Variants in RYR2 observed in about 807,000 individuals in gnomAD.
The protein encoded by RYR2 is cardiac muscle ryanodine receptor-calcium release channel.
In RYR2, 227 loss-of-function variants were observed where a neutral mutation model predicts 601.1. The ratio of observed to expected loss-of-function variants is 0.38; its 90% confidence interval spans 0.34 to 0.42. The LOEUF (loss-of-function observed/expected upper bound fraction) is 0.42, where lower values mean the gene tolerates loss of function less well. Ranked by LOEUF, RYR2 falls within the 10% of genes least tolerant of loss-of-function variation. The probability of loss-of-function intolerance (pLI) is 1.00; values close to 1 mark genes in which losing one functional copy is unlikely to be tolerated. For synonymous variants in RYR2, 2,223 were observed against 2,175.1 expected, an observed-to-expected ratio of 1.02 and a Z score of -0.61; for missense variants, 4,646 against 6,156.5, an observed-to-expected ratio of 0.75 and a Z score of 8.21.
At chr1:237,549,481 G>T (rs142485473) in intron 26 of RYR2, among the ~76,000 whole-genome samples, 4,484 of 152,096 alleles carry the variant, frequency 0.029, 143 homozygotes, top group African/African-American at 0.076. Context: ...GGCTGAGGTG[G>T]GAGGATCACT....
chr1:237,383,492 C>G (rs149467655), intron 8 of RYR2, among the ~76,000 whole-genome samples: 1 of 132,468 alleles, frequency 7.5e-6, no homozygotes, highest in African/African-American at 2.9e-5. Context: ...TACAGGGGCA[C>G]GATCTCGGCT....
intron 1 of RYR2, among the ~76,000 whole-genome samples, chr1:237,112,355 C>G (rs1357764309): frequency 1.3e-5 from 2 of 152,180 alleles, no homozygotes; most frequent in Non-Finnish European, 2.9e-5. Context: ...CTCAGGTGAT[C>G]CGCCCGCCTC....
At chr1:237,381,251 CAAAAAAAAAAAAA>C (rs60493059) in intron 8 of RYR2, among the ~76,000 whole-genome samples, 1 of 45,768 alleles carries the variant, frequency 2.2e-5, no homozygotes, top group Non-Finnish European at 5.3e-5. Flanking sequence ...GACTCCGTCT[CAAAAAAAAAAAAA>C]AAAAAAAAAA....
intron 64 of RYR2, 40 bp downstream of exon 64, chr1:237,699,065 A>T: frequency 1.1e-6 from 1 of 936,750 alleles, no homozygotes; most frequent in Non-Finnish European, 1.7e-6. Flanking sequence ...TTACTATAAT[A>T]ATGATACATG....
At position 237,126,767 on chromosome 1, in the gene RYR2, T is replaced by A. The variant is rs541451573; in HGVS notation, c.48+84198T>A. Among the ~76,000 whole-genome samples the A allele has an allele frequency of 1.6e-3, 241 of 151,916 alleles. 3 individuals carry two copies. Among genetic ancestry groups the A allele is most frequent in the African/African-American group, 5.5e-3 (229 of 41,482 alleles). The stretch of plus-strand genomic sequence containing the variant: ...ACTTATGGAAAGAATTTTTATTTTA[T>A]TTTTTTTATTTATTTATTTTTTTAA... On this transcript the variant is annotated intron_variant, in intron 1 of 104. Coordinates refer to ENST00000366574, the MANE Select transcript of RYR2 (RefSeq NM_001035.3).
At chr1:237,609,946 C>A (rs543113081) in intron 35 of RYR2, among the ~76,000 whole-genome samples, 5 of 151,434 alleles carry the variant, frequency 3.3e-5, no homozygotes, top group Admixed American at 6.6e-5. Flanking sequence ...TTTTTCCCCG[C>A]CTATTGTTAG....
intron 1 of RYR2, among the ~76,000 whole-genome samples, chr1:237,089,635 G>T (rs550148588): frequency 1.3e-5 from 2 of 152,292 alleles, no homozygotes; most frequent in East Asian, 1.9e-4. Context: ...CAATAGAATT[G>T]TATGTTATCT....
At chr1:237,222,558 T>A (rs1206662924) in intron 1 of RYR2, among the ~76,000 whole-genome samples, 1 of 152,186 alleles carries the variant, frequency 6.6e-6, no homozygotes, top group East Asian at 1.9e-4. Flanking sequence ...TTATTAGTGT[T>A]GCTAACCCCT....
intron 2 of RYR2, among the ~76,000 whole-genome samples, chr1:237,305,346 A>C (rs1463385421): frequency 6.6e-6 from 1 of 152,202 alleles, no homozygotes; most frequent in African/African-American, 2.4e-5. Flanking sequence ...TCAAAAATAT[A>C]ATATTGCATC....
At chr1:237,400,853 C>T (rs565747509) in intron 10 of RYR2, among the ~76,000 whole-genome samples, 1 of 152,250 alleles carries the variant, frequency 6.6e-6, no homozygotes, top group African/African-American at 2.4e-5. Context: ...GCAGCCTCTT[C>T]TCTCTAGGCA....
At chr1:237,666,421 TG>T in intron 56 of RYR2, 90 bp from the exon 57 acceptor site, 1 of 1,105,732 alleles carries the variant, frequency 9.0e-7, no homozygotes, top group South Asian at 1.5e-5. Context: ...ACACTATGTT[TG>T]GAAATTTGTG....
At chr1:237,319,469 A>G (rs1338582404) in intron 2 of RYR2, among the ~76,000 whole-genome samples, 1 of 151,546 alleles carries the variant, frequency 6.6e-6, no homozygotes, top group Non-Finnish European at 1.5e-5. Context: ...GGGTTTTTTT[A>G]TTTTTTCTTT....
At chr1:237,710,301 G>A (rs973667960) in intron 70 of RYR2, among the ~76,000 whole-genome samples, 1 of 152,062 alleles carries the variant, frequency 6.6e-6, no homozygotes, top group African/African-American at 2.4e-5. Flanking sequence ...CTGTAAATGA[G>A]AGACAAAGAA....
intron 1 of RYR2, among the ~76,000 whole-genome samples, chr1:237,105,834 C>CAAA (rs34759459): frequency 2.2e-4 from 19 of 87,020 alleles, no homozygotes; most frequent in African/African-American, 6.9e-4. Context: ...GACTCTGTCT[C>CAAA]AAAAAAAAAA....
chr1:237,773,686 ACTCC>A, intron 87 of RYR2, 38 bp downstream of exon 87: 1 of 1,577,292 alleles, frequency 6.3e-7, no homozygotes, highest in African/African-American at 1.3e-5. Flanking sequence ...GTAGCACTGA[ACTCC>A]ATAGAAAAAT....
intron 38 of RYR2, among the ~76,000 whole-genome samples, chr1:237,621,917 A>G (rs578741): frequency 0.8 from 121,486 of 152,068 alleles, 48,821 homozygotes; most frequent in Non-Finnish European, 0.83. Flanking sequence ...GCTCATGAAA[A>G]GGTAACAGGA....
At chr1:237,459,304 G>A (rs1572419500) in intron 16 of RYR2, among the ~76,000 whole-genome samples, 1 of 152,120 alleles carries the variant, frequency 6.6e-6, no homozygotes, top group African/African-American at 2.4e-5. Context: ...ATAAAAACTG[G>A]CTGGATGCAT....
In RYR2 at chr1:237,106,134, T is replaced by C. The variant is rs6696837; in HGVS notation, c.48+63565T>C. ...AGAGGACTGGGCTCTTGCTATTACT[T>C]TTAGCCATATGGGAGTCATTGCAAT... is the stretch of plus-strand genomic sequence containing the variant. On this transcript the variant is annotated intron_variant, in intron 1 of 104. Transcript: ENST00000366574. The surrounding 1 kb of genome is among the most constrained non-coding windows in gnomAD (Gnocchi z 4.4). Among the ~76,000 whole-genome samples the C allele has an allele frequency of 6.6e-6, 1 of 151,904 alleles. No homozygotes were observed. Among genetic ancestry groups the C allele is most frequent in the Non-Finnish European group, 1.5e-5 (1 of 67,948 alleles).
At chr1:237,780,036 A>AT (rs540326814) in intron 88 of RYR2, among the ~76,000 whole-genome samples, 250 of 152,242 alleles carry the variant, frequency 1.6e-3, no homozygotes, top group African/African-American at 5.7e-3. Flanking sequence ...GGAACTGTTG[A>AT]TTTTTTTATC....
Sources: gnomAD v4.1 joint callset for allele counts (sites outside exome capture counted in the v4.1 genomes callset) on GRCh38, gnomAD v4.1.1 for gene constraint, Gnocchi (gnomAD v3.1) non-coding constraint, MANE v1.5 for transcripts, NCBI Gene and HGNC (gene_info 2026-07-23, HGNC 2026-07-21) for gene names.